The following PRDX2 variants were observed in gnomAD, a reference collection of about 807,000 sequenced individuals.
PRDX2 encodes the protein peroxiredoxin 2, also known as peroxiredoxin-2.
In PRDX2, 10 loss-of-function variants were observed where a neutral mutation model predicts 19.8. The ratio of observed to expected loss-of-function variants is 0.50; its 90% CI spans 0.31 to 0.86. The LOEUF is 0.86. PRDX2 is among the 40% of genes least tolerant of loss of function. The probability of loss-of-function intolerance (pLI) is 0.04; values close to 1 mark genes in which losing one functional copy is unlikely to be tolerated. For missense variants in PRDX2, 226 were observed against 260.1 expected, an observed-to-expected ratio of 0.87 and a Z score of 0.90; for synonymous variants, 118 against 108.2, an observed-to-expected ratio of 1.09 and a Z score of -0.56.
chr19:12,798,673 T>A (rs1968835946), intron 5 of PRDX2, among the ~76,000 whole-genome samples: 4 of 146,172 alleles, frequency 2.7e-5, no homozygotes, highest in Non-Finnish European at 6.0e-5. Flanking sequence ...TTTTTTTTTT[T>A]AACCAATACC....
At chr19:12,800,595 A>G in intron 3 of PRDX2, 3 of 1,068,054 alleles carry the variant, frequency 2.8e-6, no homozygotes, top group African/African-American at 1.6e-5. Context: ...TAGCTGTGTC[A>G]TGGGGTACAG....
Position 12,801,276 on chromosome 19 carries a change from AC to A in PRDX2, c.-9-7del. ...CCGGAGGCCATGACTGAAAGCTGAGACCCCCGCCCGGTCAGTGCGCCCGGGA... is the reference window on the plus strand; with the variant it reads ...CCGGAGGCCATGACTGAAAGCTGAGACCCCGCCCGGTCAGTGCGCCCGGGA... On this transcript the variant is annotated splice_polypyrimidine_tract_variant and splice_region_variant and intron_variant, in intron 1 of 5. Transcript: ENST00000301522. 6.2e-7 allele frequency: 1 copy of A among 1,604,022 alleles called. No individual in the cohort carries two copies. Among genetic ancestry groups the A allele is most frequent in the Non-Finnish European group, 8.5e-7 (1 of 1,175,788 alleles).
Position 12,800,285 on chromosome 19 carries a change from C to T in PRDX2, c.272G>A (p.Arg91Gln), listed in dbSNP as rs369634820. ...FTHLAWINTP[R>Q]KEGGLGPLNI... ...CAGGGGGCCCAAGCCTCCCTCTTTC[C>T]GGGGGGTGTTGATCCTGGGAGTAGG... Residue 91 changes from arginine (R) to glutamine (Q), a missense_variant, in exon 4 of 6, where the codon CGG becomes CAG. Arg to Gln is a conservative substitution (Grantham distance 43). Coordinates refer to ENST00000301522, the MANE Select transcript of PRDX2 (RefSeq NM_005809.6). The T allele has an allele frequency of 5.5e-5, 89 of 1,612,496 alleles. No individual in the cohort carries two copies. Among genetic ancestry groups the T allele is most frequent in the Non-Finnish European group, 6.8e-5 (80 of 1,179,562 alleles).
intron 5 of PRDX2, among the ~76,000 whole-genome samples, chr19:12,798,555 C>T (rs541202918): frequency 2.2e-4 from 33 of 150,992 alleles, no homozygotes; most frequent in East Asian, 9.8e-4. Context: ...TTCTCCATGT[C>T]GGTCAAGCTT....
chr19:12,801,019 G>T lies in PRDX2; in HGVS notation c.154C>A (p.Pro52Thr). The change falls in exon 3 of 6, where the codon CCC becomes ACC. Residue 52 changes from proline to threonine, a missense_variant. Physicochemically the swap from Pro to Thr is conservative, Grantham distance 38. Coordinates refer to ENST00000301522, the MANE Select transcript of PRDX2 (RefSeq NM_005809.6). ...FYPLDFTFVC[P>T]TEIIAFSNRA... ...TTGCTGAACGCGATGATCTCGGTGG[G>T]GCACACAAAAGTGAAGTCCAGAGGG... 1 of 1,603,560 alleles carries T rather than the reference G, an allele frequency of 6.2e-7. No individual in the cohort carries two copies.
intron 3 of PRDX2, 59 bp from the exon 4 acceptor site, chr19:12,800,358 C>T (rs1032262820): frequency 6.4e-7 from 1 of 1,570,594 alleles, no homozygotes; most frequent in African/African-American, 1.4e-5. Context: ...AGGGTCCTCA[C>T]CCTGTGGGCC....
intron 5 of PRDX2, among the ~76,000 whole-genome samples, chr19:12,797,880 G>A (rs1382705140): frequency 6.6e-6 from 1 of 150,718 alleles, no homozygotes; most frequent in Non-Finnish European, 1.5e-5. Context: ...GGCTGATCTC[G>A]AACTCCTGAC....
intron 5 of PRDX2, 86 bp from the exon 6 acceptor site, chr19:12,797,252 A>G: frequency 8.5e-7 from 1 of 1,181,126 alleles, no homozygotes; most frequent in South Asian, 1.3e-5. Flanking sequence ...GCAGAAGAAA[A>G]TGCTGGAAGC....
In PRDX2 at chr19:12,800,299, C is replaced by T. The variant is rs530129437; in HGVS notation, c.258G>A (p.Trp86Ter). ...CTCCCTCTTTCCGGGGGGTGTTGAT[C>T]CTGGGAGTAGGGGAGACAGAGTTGG... is the stretch of plus-strand genomic sequence containing the variant. ...SVDSQFTHLA[W>*]INTPRKEGGL... Residue 86 changes from tryptophan to a stop codon, truncating the protein, a stop_gained and splice_region_variant, in exon 4 of 6, where the codon TGG becomes TGA. Transcript: ENST00000301522. LOFTEE classifies it high-confidence loss of function. 3.1e-6 allele frequency: 5 copies of T among 1,611,356 alleles called. No homozygotes were observed. In the South Asian group the frequency reaches 5.5e-5, roughly 18 times the overall value.
Position 12,800,942 on chromosome 19 carries a change from C to T in PRDX2, c.231G>A (p.Val77=). 1 of 1,610,932 alleles carries T rather than the reference C, an allele frequency of 6.2e-7. No individual in the cohort carries two copies. The highest frequency in any genetic ancestry group is 8.5e-7 in the Non-Finnish European group (1 of 1,179,410). Residue 77 remains valine, a synonymous_variant, in exon 3 of 6, where the codon GTG becomes GTA. Transcript: ENST00000301522. ...KLGCEVLGVS[V]DSQFTHLAWI... ...AAGCCAGGTGGGTGAACTGAGAGTC[C>T]ACCGAGACGCCCAGCACTTCACAGC...
In PRDX2 at chr19:12,800,359, C is replaced by T. The variant is rs1968869544; in HGVS notation, c.258-60G>A. ...ATGCCTGGCACAGCAGGGTCCTCAC[C>T]CTGTGGGCCCAATGTGATAAGCACT... On this transcript the variant is annotated intron_variant, in intron 3 of 5. Transcript: ENST00000301522. The T allele has an allele frequency of 2.5e-6, 4 of 1,570,370 alleles. No individual in the cohort carries two copies. The Admixed American group carries it at 7.1e-5, about 28-fold the overall frequency.
At chr19:12,799,743 A>T (rs1377562683) in intron 5 of PRDX2, 116 bp downstream of exon 5, 1 of 1,388,550 alleles carries the variant, frequency 7.2e-7, no homozygotes, top group African/African-American at 1.5e-5. Flanking sequence ...CCTGAGCTGA[A>T]TCTTCTTTGG....
rs985680884 is a variant in PRDX2, at chr19:12,800,288, G to C, written c.269C>G (p.Pro90Arg). The change falls in exon 4 of 6, where the codon CCC becomes CGC. Residue 90 changes from proline to arginine, a missense_variant. Coordinates refer to ENST00000301522, the MANE Select transcript of PRDX2 (RefSeq NM_005809.6). ...GGGGCCCAAGCCTCCCTCTTTCCGG[G>C]GGGTGTTGATCCTGGGAGTAGGGGA... Reference protein sequence around the residue: ...QFTHLAWINTPRKEGGLGPLN... With the variant: ...QFTHLAWINTRRKEGGLGPLN... 2 of 1,612,612 alleles carry C rather than the reference G, an allele frequency of 1.2e-6. No homozygotes were observed. The highest frequency in any genetic ancestry group is 1.7e-5 in the Admixed American group (1 of 59,910).
intron 3 of PRDX2, chr19:12,800,505 C>T (rs999208283): frequency 1.6e-5 from 13 of 798,016 alleles, no homozygotes; most frequent in Non-Finnish European, 2.1e-5. Flanking sequence ...GGCACAGCTC[C>T]AGCTAAGTGG....
intron 2 of PRDX2, 22 bp downstream of exon 2, chr19:12,801,137 G>GC (rs751623510): frequency 6.2e-6 from 10 of 1,613,746 alleles, no homozygotes; most frequent in African/African-American, 1.3e-5. Context: ...TTCTACCTGG[G>GC]CCCCCTCCGG....
At chr19:12,799,723 C>T in intron 5 of PRDX2, 136 bp downstream of exon 5, 1 of 1,233,378 alleles carries the variant, frequency 8.1e-7, no homozygotes, top group South Asian at 1.5e-5. Context: ...AAACATCCTG[C>T]AGACAAAGCC....
intron 3 of PRDX2, 85 bp downstream of exon 3, chr19:12,800,831 G>C (rs947336612): frequency 1.3e-6 from 2 of 1,553,356 alleles, no homozygotes; most frequent in African/African-American, 2.7e-5. Context: ...GGTTCCAGAG[G>C]TTGAGCAATG....
intron 3 of PRDX2, 190 bp from the exon 4 acceptor site, chr19:12,800,489 T>C: frequency 1.2e-6 from 1 of 836,290 alleles, no homozygotes; most frequent in Non-Finnish European, 1.8e-6. Context: ...AAGACTGAGT[T>C]TGAGAGGCAC....
At chr19:12,798,673 T>TTTTTA (rs1555733350) in intron 5 of PRDX2, among the ~76,000 whole-genome samples, 2 of 146,172 alleles carry the variant, frequency 1.4e-5, no homozygotes, top group African/African-American at 2.5e-5. Context: ...TTTTTTTTTT[T>TTTTTA]AACCAATACC....
Sources: gnomAD v4.1 joint callset for allele counts (sites outside exome capture counted in the v4.1 genomes callset) on GRCh38, gnomAD v4.1.1 for gene constraint, MANE v1.5 for transcripts, NCBI Gene and HGNC (gene_info 2026-07-23, HGNC 2026-07-21) for gene names.